The following NOL4 variants were observed in gnomAD, a reference collection of about 807,000 sequenced individuals.
NOL4 encodes the protein cancer/testis antigen 125.
Under a neutral mutation model 75.9 loss-of-function variants are expected in NOL4, and 17 were observed. The ratio of observed to expected loss-of-function variants is 0.22; its 90% CI spans 0.15 to 0.34. The LOEUF (loss-of-function observed/expected upper bound fraction) is 0.34, where lower values mean the gene tolerates loss of function less well. NOL4 is among the 10% of genes least tolerant of loss of function. The pLI is 1.00. For missense variants in NOL4, 614 were observed against 793.5 expected, an observed-to-expected ratio of 0.77 and a Z score of 2.72; for synonymous variants, 292 against 289.9, an observed-to-expected ratio of 1.01 and a Z score of -0.07.
At chr18:34,071,196 T>C (rs2077499714) in intron 5 of NOL4, among the ~76,000 whole-genome samples, 1 of 152,118 alleles carries the variant, frequency 6.6e-6, no homozygotes, top group Non-Finnish European at 1.5e-5. Flanking sequence ...TATCAAAATT[T>C]ATATTGTACC....
intron 10 of NOL4, among the ~76,000 whole-genome samples, chr18:33,867,938 C>T (rs1328920612): frequency 2.0e-5 from 3 of 152,086 alleles, no homozygotes; most frequent in Non-Finnish European, 2.9e-5. Context: ...GGAGAATTCC[C>T]TCTTATTAAA....
At chr18:34,045,800 T>C (rs1036733628) in intron 5 of NOL4, among the ~76,000 whole-genome samples, 2 of 152,142 alleles carry the variant, frequency 1.3e-5, no homozygotes, top group Admixed American at 1.3e-4. Context: ...TAGTATTGAA[T>C]CAAATATGCT....
intron 1 of NOL4, among the ~76,000 whole-genome samples, chr18:34,162,193 C>G (rs1478209658): frequency 6.6e-6 from 1 of 151,984 alleles, no homozygotes; most frequent in African/African-American, 2.4e-5. Context: ...AAAGCAAGAG[C>G]AAACACATTC....
intron 1 of NOL4, among the ~76,000 whole-genome samples, chr18:34,196,422 T>G (rs1017143756): frequency 6.6e-6 from 1 of 152,252 alleles, no homozygotes; most frequent in African/African-American, 2.4e-5. Context: ...TCTTCTCAAC[T>G]GTGCAGAGTC....
At chr18:34,089,604 T>C (rs2078410570) in intron 5 of NOL4, among the ~76,000 whole-genome samples, 1 of 152,372 alleles carries the variant, frequency 6.6e-6, no homozygotes, top group Non-Finnish European at 1.5e-5. Context: ...AGTTGGACAG[T>C]GTAACTAAAG....
At chr18:33,869,662 A>G (rs1225716355) in intron 10 of NOL4, among the ~76,000 whole-genome samples, 1 of 152,052 alleles carries the variant, frequency 6.6e-6, no homozygotes, top group Admixed American at 6.6e-5. Flanking sequence ...GATATTTTTT[A>G]TGTTATGAAA....
At chr18:33,893,864 A>G (rs2065241297) in intron 9 of NOL4, among the ~76,000 whole-genome samples, 1 of 152,118 alleles carries the variant, frequency 6.6e-6, no homozygotes, top group Non-Finnish European at 1.5e-5. Context: ...TAAGGTAAAG[A>G]GCCTTAAACT....
intron 5 of NOL4, among the ~76,000 whole-genome samples, chr18:34,085,829 CAG>C (rs1438852408): frequency 2.6e-5 from 4 of 152,086 alleles, no homozygotes; most frequent in Non-Finnish European, 5.9e-5. Context: ...CTTTTGGAAA[CAG>C]AGAATTACTG....
chr18:33,946,278 T>C (rs2068829125), intron 8 of NOL4, among the ~76,000 whole-genome samples: 2 of 151,710 alleles, frequency 1.3e-5, no homozygotes, highest in South Asian at 2.1e-4. Flanking sequence ...CCTAATTTAA[T>C]TTTTAGATAA....
chr18:33,958,387 G>C lies in NOL4; in HGVS notation c.1088C>G (p.Ser363Cys). ...SPAHSYSSYDSGKNESVDRGA... is the reference protein window; with the variant it reads ...SPAHSYSSYDCGKNESVDRGA... ...TCGGTCTACACTCTCATTTTTGCCA[G>C]AGTCATAGCTGGAGTAACTATGTGC... The change falls in exon 7 of 11, where the codon TCT (serine) becomes TGT (cysteine). Residue 363 changes from serine (S) to cysteine (C), a missense_variant. This residue lies in a region of NOL4 where 196 missense variants were observed against 167.9 expected (regional missense o/e 1.17). Transcript: ENST00000261592. 6.2e-7 allele frequency: 1 copy of C among 1,613,334 alleles called. No homozygotes were observed. The highest frequency in any genetic ancestry group is 1.1e-5 in the South Asian group (1 of 91,018).
intron 4 of NOL4, among the ~76,000 whole-genome samples, chr18:34,095,245 A>ATGTGTGTGTGTGTGTGTGTG (rs761927350): frequency 1.1e-5 from 1 of 94,296 alleles, no homozygotes. Context: ...CTAAATTCTA[A>ATGTGTGTGTGTGTGTGTGTG]TGTGTATGTG....
chr18:34,118,359 C>T (rs1327767497), intron 2 of NOL4, among the ~76,000 whole-genome samples: 2 of 152,026 alleles, frequency 1.3e-5, no homozygotes, highest in Non-Finnish European at 2.9e-5. Context: ...TTTTATCTTA[C>T]TAGATTTGAG....
chr18:33,869,633 C>A (rs1232281063), intron 10 of NOL4, among the ~76,000 whole-genome samples: 2 of 151,988 alleles, frequency 1.3e-5, no homozygotes, highest in East Asian at 1.9e-4. Flanking sequence ...AATCTACAAT[C>A]ATCCAACCAT....
intron 5 of NOL4, 49 bp downstream of exon 5, chr18:34,093,416 T>C (rs761865806): frequency 6.6e-7 from 1 of 1,510,118 alleles, no homozygotes; most frequent in Non-Finnish European, 8.9e-7. Flanking sequence ...GCATTCTGAC[T>C]CATTTTTTTG....
At chr18:33,885,133 AAATTT>A (rs1471664930) in intron 9 of NOL4, among the ~76,000 whole-genome samples, 2 of 151,292 alleles carry the variant, frequency 1.3e-5, no homozygotes, top group Non-Finnish European at 2.9e-5. Context: ...ATGTTGATAT[AAATTT>A]ATTTTCCAAG....
At chr18:33,945,752 C>T (rs2068791506) in intron 8 of NOL4, among the ~76,000 whole-genome samples, 1 of 151,716 alleles carries the variant, frequency 6.6e-6, no homozygotes, top group Non-Finnish European at 1.5e-5. Context: ...TTCAATACTT[C>T]CCGTAGATAA....
At chr18:33,970,756 T>C (rs1301301453) in intron 6 of NOL4, among the ~76,000 whole-genome samples, 2 of 152,066 alleles carry the variant, frequency 1.3e-5, no homozygotes, top group African/African-American at 2.4e-5. Flanking sequence ...TGTGTGTATG[T>C]GTATGTGTGT....
At chr18:34,062,907 T>A (rs1008390033) in intron 5 of NOL4, among the ~76,000 whole-genome samples, 1 of 152,114 alleles carries the variant, frequency 6.6e-6, no homozygotes, top group Non-Finnish European at 1.5e-5. Flanking sequence ...TATACAGAAC[T>A]GGTTGGACAT....
At position 33,994,509 on chromosome 18, in the gene NOL4, G is replaced by A. The variant is rs148488249; in HGVS notation, c.1056+24809C>T. ...TTAGAAATCACAAACTCACAAATAT[G>A]TAGAAATTAAGCAATACATGCACAA... On this transcript the variant is annotated intron_variant, in intron 6 of 10. Transcript: ENST00000261592. Among the ~76,000 whole-genome samples the A allele has an allele frequency of 8.1e-3, 1,228 of 151,368 alleles. 15 individuals carry two copies. Among genetic ancestry groups the A allele is most frequent in the African/African-American group, 0.028 (1,150 of 41,424 alleles).
Sources: gnomAD v4.1 joint callset for allele counts (sites outside exome capture counted in the v4.1 genomes callset) on GRCh38, gnomAD v4.1.1 for gene constraint, gnomAD v4.1.1 regional missense constraint, MANE v1.5 for transcripts, NCBI Gene and HGNC (gene_info 2026-07-23, HGNC 2026-07-21) for gene names.